Variants in DNAJC12 observed in about 807,000 individuals in gnomAD.
The protein encoded by DNAJC12 is DnaJ heat shock protein family (Hsp40) member C12, also known as dnaJ homolog subfamily C member 12.
Under a neutral mutation model 28.5 loss-of-function variants are expected in DNAJC12, and 25 were observed. That is an observed-to-expected ratio of 0.88 (90% CI 0.64 to 1.22). DNAJC12 has a LOEUF of 1.22. DNAJC12 is among the 50% of genes most tolerant of loss of function. The probability of loss-of-function intolerance (pLI) is 0.00; values close to 1 mark genes in which losing one functional copy is unlikely to be tolerated. For missense variants in DNAJC12, 222 were observed against 231.7 expected, an observed-to-expected ratio of 0.96 and a Z score of 0.27; for synonymous variants, 77 against 80.6, an observed-to-expected ratio of 0.95 and a Z score of 0.24.
chr10:67,811,445 T>TA, intron 3 of DNAJC12, 79 bp downstream of exon 3: 7 of 1,586,770 alleles, frequency 4.4e-6, no homozygotes, highest in Non-Finnish European at 6.0e-6. Context: ...GCCTAATGAC[T>TA]CTTTAAGCTA....
chr10:67,821,190 T>A (rs1841977982), intron 2 of DNAJC12, among the ~76,000 whole-genome samples: 1 of 152,172 alleles, frequency 6.6e-6, no homozygotes, highest in African/African-American at 2.4e-5. Flanking sequence ...TATACACACA[T>A]GCTATACGCA....
At chr10:67,829,555 G>T (rs1420311069) in intron 1 of DNAJC12, among the ~76,000 whole-genome samples, 1 of 152,104 alleles carries the variant, frequency 6.6e-6, no homozygotes, top group Non-Finnish European at 1.5e-5. Flanking sequence ...GAAGGAGAAT[G>T]GCGTGAATCT....
At chr10:67,801,361 G>A (rs1305718472) in intron 4 of DNAJC12, among the ~76,000 whole-genome samples, 2 of 152,208 alleles carry the variant, frequency 1.3e-5, no homozygotes. Flanking sequence ...TCATGCAACA[G>A]CACTTTGATA....
intron 1 of DNAJC12, among the ~76,000 whole-genome samples, chr10:67,824,724 A>AT (rs539453271): frequency 1.3e-5 from 2 of 151,166 alleles, no homozygotes; most frequent in African/African-American, 4.9e-5. Context: ...ATTTTATTTT[A>AT]TTTATTTATT....
chr10:67,824,074 A>G (rs961311192), intron 1 of DNAJC12, among the ~76,000 whole-genome samples: 3 of 151,974 alleles, frequency 2.0e-5, no homozygotes, highest in African/African-American at 7.3e-5. Flanking sequence ...CGTCTCTACT[A>G]AAAATACAAA....
At chr10:67,806,023 A>G (rs544596054) in intron 3 of DNAJC12, among the ~76,000 whole-genome samples, 1 of 152,262 alleles carries the variant, frequency 6.6e-6, no homozygotes, top group Admixed American at 6.5e-5. Flanking sequence ...TGTTCTGTAT[A>G]TGTATTTCCT....
At chr10:67,800,955 AT>A (rs1346249993) in intron 4 of DNAJC12, among the ~76,000 whole-genome samples, 1 of 151,748 alleles carries the variant, frequency 6.6e-6, no homozygotes, top group Non-Finnish European at 1.5e-5. Flanking sequence ...AAAAAAAAAA[AT>A]TTCTTTCTCT....
intron 1 of DNAJC12, among the ~76,000 whole-genome samples, chr10:67,830,913 G>A (rs1035292492): frequency 2.3e-4 from 35 of 152,136 alleles, no homozygotes; most frequent in Admixed American, 2.3e-3. Flanking sequence ...CATAGGCCAG[G>A]TGTGGTGGCT....
At position 67,811,095 on chromosome 10, in the gene DNAJC12, T is replaced by G. The variant is rs1841853916; in HGVS notation, c.297+429A>C. The G allele has an allele frequency of 1.2e-5, 2 of 170,558 alleles. 1 individual carries two copies. The highest frequency in any genetic ancestry group is 3.9e-4 in the South Asian group (2 of 5,102). The allele number at this position is 170,558 out of a possible 1,614,324, so 10.6% of individuals were successfully genotyped here. ...AATAGGAATAATTCATGGCTTTCTC[T>G]GACTAATCAGATCCTGCCTTTTTAA... On this transcript the variant is annotated intron_variant, in intron 3 of 4. Transcript: ENST00000225171.
intron 4 of DNAJC12, 110 bp from the exon 5 acceptor site, chr10:67,797,320 G>T: frequency 1.3e-6 from 1 of 776,278 alleles, no homozygotes; most frequent in Non-Finnish European, 2.1e-6. Flanking sequence ...CAATGTAAGG[G>T]TAAGACTTTG....
intron 1 of DNAJC12, among the ~76,000 whole-genome samples, chr10:67,830,978 G>A (rs762512972): frequency 6.6e-6 from 1 of 152,180 alleles, no homozygotes; most frequent in East Asian, 1.9e-4. Context: ...CACGAGGTCA[G>A]GAATTGGAGA....
At chr10:67,811,159 A>T (rs959306975) in intron 3 of DNAJC12, 13 of 441,580 alleles carry the variant, frequency 2.9e-5, no homozygotes, top group Non-Finnish European at 4.0e-5. Flanking sequence ...AAGCTGACAT[A>T]AACTAAAAAG....
At chr10:67,811,837 T>C (rs1338477674) in intron 2 of DNAJC12, among the ~76,000 whole-genome samples, 174 bp from the exon 3 acceptor site, 1 of 152,204 alleles carries the variant, frequency 6.6e-6, no homozygotes, top group Non-Finnish European at 1.5e-5. Context: ...AGCAAGATCA[T>C]GGATGTAAAG....
At chr10:67,823,455 A>C in intron 1 of DNAJC12, 63 bp from the exon 2 acceptor site, 3 of 1,390,538 alleles carry the variant, frequency 2.2e-6, no homozygotes, top group Non-Finnish European at 3.0e-6. Context: ...CACGCCTATA[A>C]TCTCAACACT....
chr10:67,804,122 C>A (rs1285044520), intron 4 of DNAJC12, among the ~76,000 whole-genome samples: 2 of 152,142 alleles, frequency 1.3e-5, no homozygotes, highest in Admixed American at 6.6e-5. Context: ...TACATCACAA[C>A]CCTGAGAATC....
intron 4 of DNAJC12, among the ~76,000 whole-genome samples, chr10:67,799,758 CT>C: frequency 1.3e-5 from 2 of 151,880 alleles, no homozygotes; most frequent in Non-Finnish European, 2.9e-5. Flanking sequence ...TAGCACACGC[CT>C]GTAATCCCAG....
At position 67,810,453 on chromosome 10, in the gene DNAJC12, C is replaced by A. The variant is rs996995856; in HGVS notation, c.297+1071G>T. ...CCAAAGGAAATTCCCAAGATATGAT[C>A]CTGTGTGTGATGCTACAAAAGTACA... On this transcript the variant is annotated intron_variant, in intron 3 of 4. Coordinates refer to ENST00000225171, the MANE Select transcript of DNAJC12 (RefSeq NM_021800.3). 1.8e-4 allele frequency among the ~76,000 whole-genome samples: 28 copies of A among 152,128 alleles called. 1 individual carries two copies. Among genetic ancestry groups the A allele is most frequent in the Admixed American group, 1.2e-3 (18 of 15,276 alleles).
chr10:67,834,928 T>C (rs1842128329), intron 1 of DNAJC12, among the ~76,000 whole-genome samples: 1 of 152,234 alleles, frequency 6.6e-6, no homozygotes, highest in Non-Finnish European at 1.5e-5. Context: ...TTGTTTTCTA[T>C]ATAACATGGA....
chr10:67,828,836 A>G (rs1254439353), intron 1 of DNAJC12, among the ~76,000 whole-genome samples: 3 of 152,174 alleles, frequency 2.0e-5, no homozygotes, highest in African/African-American at 7.2e-5. Flanking sequence ...ATTTTAAACA[A>G]AAACCTATGA....
Sources: allele counts gnomAD v4.1 joint callset (sites outside exome capture counted in the v4.1 genomes callset), GRCh38; gene constraint gnomAD v4.1.1; transcripts MANE v1.5; gene names NCBI Gene and HGNC (gene_info 2026-07-23, HGNC 2026-07-21).